The following CLUAP1 variants were observed in gnomAD, a reference collection of about 807,000 sequenced individuals.
CLUAP1 encodes the protein intraflagellar transport 38, also known as clusterin-associated protein 1.
Under a neutral mutation model 55.0 loss-of-function variants are expected in CLUAP1, and 50 were observed. The ratio of observed to expected loss-of-function variants is 0.91; its 90% CI spans 0.72 to 1.15. The LOEUF (loss-of-function observed/expected upper bound fraction) is 1.15. Among genes scored for constraint, CLUAP1 ranks in the 50% most tolerant of loss-of-function variants. The pLI is 0.00. For missense variants in CLUAP1, 530 were observed against 507.6 expected, an observed-to-expected ratio of 1.04 and a Z score of -0.42; for synonymous variants, 195 against 175.4, an observed-to-expected ratio of 1.11 and a Z score of -0.88.
chr16:3,515,773 G>A (rs75223281), intron 6 of CLUAP1, among the ~76,000 whole-genome samples, 182 bp downstream of exon 6: 2,658 of 152,068 alleles, frequency 0.017, 87 homozygotes, highest in African/African-American at 0.057. Flanking sequence ...TTTTCCCCTC[G>A]TTATAAATAA....
chr16:3,515,657 C>T lies in CLUAP1; in HGVS notation c.579+66C>T, dbSNP rs2037716519. ...GGATTCAAAAATACTGATTTCTTGC[C>T]CATACAAGACAGAACAAGCTAGGCT... On this transcript the variant is annotated intron_variant, in intron 6 of 11. Coordinates refer to ENST00000576634, the MANE Select transcript of CLUAP1 (RefSeq NM_015041.3). 7.2e-6 allele frequency: 8 copies of T among 1,104,812 alleles called. No homozygotes were observed. In the East Asian group the frequency reaches 2.1e-4, roughly 29 times the overall value. The allele number at this position is 1,104,812 out of a possible 1,614,324, so 68.4% of individuals were successfully genotyped here. A position where few individuals can be genotyped will look rare whatever the true frequency, so the allele number is the denominator to read the frequency against.
At position 3,525,139 on chromosome 16, in the gene CLUAP1, G is replaced by A. The variant is rs28616180; in HGVS notation, c.856-1273G>A. On this transcript the variant is annotated intron_variant, in intron 8 of 11. Transcript: ENST00000576634. Reference sequence around the variant, plus strand: ...TAGCATTACTCTGTGGCAGAGGCAGGCCATGGAGAAATGGTACGGGACAGG... The same window carrying A: ...TAGCATTACTCTGTGGCAGAGGCAGACCATGGAGAAATGGTACGGGACAGG... Among the ~76,000 whole-genome samples, 496 of 152,330 alleles carry A rather than the reference G, an allele frequency of 3.3e-3. 1 individual carries two copies. Among genetic ancestry groups the A allele is most frequent in the African/African-American group, 0.01 (421 of 41,578 alleles).
In CLUAP1 at chr16:3,518,113, T is replaced by C. The variant is rs1015166525; in HGVS notation, c.580-1790T>C. 3.3e-5 allele frequency among the ~76,000 whole-genome samples: 5 copies of C among 152,304 alleles called. No individual in the cohort carries two copies. In the East Asian group the frequency reaches 9.6e-4, roughly 29 times the overall value. On this transcript the variant is annotated intron_variant, in intron 6 of 11. Coordinates refer to ENST00000576634, the MANE Select transcript of CLUAP1 (RefSeq NM_015041.3). ...AATACACGCTAAAGTATTCAGGGTA[T>C]TGGAACGTCTGGTCAGCAACTTACT...
chr16:3,533,413 C>G, intron 11 of CLUAP1: 1 of 507,434 alleles, frequency 2.0e-6, no homozygotes, highest in South Asian at 2.2e-5. Context: ...AAGGAGGACG[C>G]CGAGGGCCGG....
chr16:3,499,502 T>A (rs2037348889), upstream of CLUAP1, among the ~76,000 whole-genome samples: 1 of 152,376 alleles, frequency 6.6e-6, no homozygotes, highest in South Asian at 2.1e-4. Flanking sequence ...TGATATCTCA[T>A]TGTGGTTTTA....
chr16:3,523,430 G>A, intron 8 of CLUAP1, 131 bp downstream of exon 8: 1 of 1,080,054 alleles, frequency 9.3e-7, no homozygotes, highest in Non-Finnish European at 1.3e-6. Context: ...TCAGTCTGAG[G>A]ATTGCTCATG....
chr16:3,523,150 T>G lies in CLUAP1; in HGVS notation c.714-8T>G, dbSNP rs1323651926. The G allele has an allele frequency of 3.7e-6, 6 of 1,601,554 alleles. No homozygotes were observed. The highest frequency in any genetic ancestry group is 5.1e-6 in the Non-Finnish European group (6 of 1,175,656). ...ACCTTTCCTTTTTATTTCATTTGCT[T>G]CTTTTAGGCCATGTTTTATGGATGA... On this transcript the variant is annotated splice_region_variant and splice_polypyrimidine_tract_variant and intron_variant, in intron 7 of 11. Transcript: ENST00000576634.
At position 3,506,289 on chromosome 16, in the gene CLUAP1, C is replaced by T. The variant is rs746461673; in HGVS notation, c.135-42C>T. ...CCACATTCTCTTTAGTAGACTTTCT[C>T]CTTGGTTAACCCGTGCTCTCTCCTC... On this transcript the variant is annotated intron_variant, in intron 2 of 11. Coordinates refer to ENST00000576634, the MANE Select transcript of CLUAP1 (RefSeq NM_015041.3). The T allele has an allele frequency of 4.6e-6, 7 of 1,510,622 alleles. No individual in the cohort carries two copies. The African/African-American group carries it at 5.5e-5, about 12-fold the overall frequency. 93.6% of individuals were successfully genotyped at this position (1,510,622 alleles called of 1,614,324 possible).
upstream of CLUAP1, chr16:3,496,391 GT>G: frequency 1.8e-6 from 2 of 1,133,342 alleles, no homozygotes; most frequent in Non-Finnish European, 2.6e-6. Context: ...ACCTCTGTCC[GT>G]TTCCCGGATG....
chr16:3,513,933 A>G (rs985708311), intron 5 of CLUAP1, among the ~76,000 whole-genome samples: 4 of 152,322 alleles, frequency 2.6e-5, no homozygotes, highest in African/African-American at 9.6e-5. Flanking sequence ...GCAAACTGGA[A>G]GTGGAAGTCT....
chr16:3,535,971 T>C (rs1410234769), intron 11 of CLUAP1, 151 bp from the exon 12 acceptor site: 25 of 807,178 alleles, frequency 3.1e-5, no homozygotes, highest in Non-Finnish European at 4.6e-5. Context: ...CTCAGTCCCA[T>C]CTGTATGCCC....
chr16:3,536,374 G>T lies in CLUAP1; in HGVS notation c.*103G>T, dbSNP rs968285960. On this transcript the variant is annotated 3_prime_UTR_variant, in exon 12 of 12. Coordinates refer to ENST00000576634, the MANE Select transcript of CLUAP1 (RefSeq NM_015041.3). Reference sequence around the variant, plus strand: ...AACCCCTGTTTTGTTTACTAAGCTGGCTGGACTCATGATCACTGAAGCAAT... The same window carrying T: ...AACCCCTGTTTTGTTTACTAAGCTGTCTGGACTCATGATCACTGAAGCAAT... 2 of 1,264,126 alleles carry T rather than the reference G, an allele frequency of 1.6e-6. No individual in the cohort carries two copies. Among genetic ancestry groups the T allele is most frequent in the Non-Finnish European group, 2.2e-6 (2 of 905,426 alleles). 78.3% of individuals were successfully genotyped at this position (1,264,126 alleles called of 1,614,324 possible).
At chr16:3,512,954 A>G (rs1160440335) in intron 5 of CLUAP1, among the ~76,000 whole-genome samples, 1 of 152,154 alleles carries the variant, frequency 6.6e-6, no homozygotes, top group South Asian at 2.1e-4. Flanking sequence ...TGCTGGGATT[A>G]CCGGTGTGAG....
intron 7 of CLUAP1, among the ~76,000 whole-genome samples, chr16:3,520,650 A>G (rs1195988090): frequency 1.3e-5 from 2 of 152,162 alleles, no homozygotes; most frequent in African/African-American, 4.8e-5. Context: ...CAGACGGGGA[A>G]ATCCAGACGT....
At chr16:3,533,949 A>G (rs1214642675) in intron 11 of CLUAP1, 1 of 152,226 alleles carries the variant, frequency 6.6e-6, no homozygotes, top group African/African-American at 2.4e-5. Flanking sequence ...GAGCGAATGC[A>G]TTAGTCGCAG....
chr16:3,517,083 A>G (rs1410159742), intron 6 of CLUAP1, among the ~76,000 whole-genome samples: 1 of 152,086 alleles, frequency 6.6e-6, no homozygotes, highest in African/African-American at 2.4e-5. Flanking sequence ...GGAGCAGGTC[A>G]TTCACACAGA....
chr16:3,498,308 C>T (rs114116368), upstream of CLUAP1, among the ~76,000 whole-genome samples: 1,927 of 152,104 alleles, frequency 0.013, 45 homozygotes, highest in African/African-American at 0.044. Flanking sequence ...TTTACTCAGT[C>T]TAGCAATTCA....
At chr16:3,502,354 G>T (rs557794393) in intron 1 of CLUAP1, among the ~76,000 whole-genome samples, 1 of 151,258 alleles carries the variant, frequency 6.6e-6, no homozygotes, top group Non-Finnish European at 1.5e-5. Context: ...TGAGGCAGGA[G>T]AATTGCTTGA....
At chr16:3,533,352 G>A (rs1019786427) in intron 11 of CLUAP1, 8 of 578,414 alleles carry the variant, frequency 1.4e-5, no homozygotes, top group African/African-American at 1.3e-4. Context: ...CTGGAGGCGG[G>A]GAAAGCTCAG....
Sources: gnomAD v4.1 joint callset for allele counts (sites outside exome capture counted in the v4.1 genomes callset) on GRCh38, gnomAD v4.1.1 for gene constraint, MANE v1.5 for transcripts, NCBI Gene and HGNC (gene_info 2026-07-23, HGNC 2026-07-21) for gene names.